Variants in TAFA4 observed in about 807,000 individuals in gnomAD.
The protein encoded by TAFA4 is chemokine-like protein TAFA-4.
In TAFA4, 20 loss-of-function variants were observed where a neutral mutation model predicts 21.1. That is an observed-to-expected ratio of 0.95 (90% CI 0.67 to 1.38). The LOEUF is 1.38. Among genes scored for constraint, TAFA4 ranks in the 40% most tolerant of loss-of-function variants. The pLI, the probability that TAFA4 is intolerant of heterozygous loss-of-function variation, is 0.00. For synonymous variants in TAFA4, 71 were observed against 67.4 expected (o/e 1.05, Z -0.26); for missense variants, 211 against 180.9 (o/e 1.17, Z -0.95).
chr3:68,866,983 GA>G (rs1444597471), intron 3 of TAFA4, among the ~76,000 whole-genome samples: 1 of 152,044 alleles, frequency 6.6e-6, no homozygotes, highest in Non-Finnish European at 1.5e-5. Flanking sequence ...ACGGAATTGA[GA>G]AAGAGCAAGG....
At chr3:68,757,073 C>G (rs1284584550) in intron 3 of TAFA4, among the ~76,000 whole-genome samples, 1 of 152,144 alleles carries the variant, frequency 6.6e-6, no homozygotes, top group Non-Finnish European at 1.5e-5. Flanking sequence ...GTCATTGTCT[C>G]AGTCTGCTTG....
chr3:68,759,809 A>C (rs1427027642), intron 3 of TAFA4, among the ~76,000 whole-genome samples: 2 of 152,124 alleles, frequency 1.3e-5, no homozygotes, highest in Non-Finnish European at 2.9e-5. Context: ...CAAAAAACAA[A>C]ACACTGTCCC....
intron 3 of TAFA4, among the ~76,000 whole-genome samples, chr3:68,837,460 C>A (rs1575633518): frequency 6.6e-6 from 1 of 152,206 alleles, no homozygotes; most frequent in African/African-American, 2.4e-5. Context: ...TCCTTCCACT[C>A]CAGCCAATAG....
intron 5 of TAFA4, among the ~76,000 whole-genome samples, chr3:68,738,162 G>A (rs906465446): frequency 1.3e-5 from 2 of 152,156 alleles, no homozygotes; most frequent in South Asian, 2.1e-4. Flanking sequence ...ATGATGATTA[G>A]CCAGAAAAGA....
intron 3 of TAFA4, among the ~76,000 whole-genome samples, chr3:68,832,413 T>C (rs997358143): frequency 3.9e-5 from 6 of 152,186 alleles, no homozygotes; most frequent in African/African-American, 1.4e-4. Flanking sequence ...TTTCTGTTTG[T>C]TAGTTTTCCT....
At chr3:68,816,897 C>T (rs746526750) in intron 3 of TAFA4, among the ~76,000 whole-genome samples, 1 of 152,060 alleles carries the variant, frequency 6.6e-6, no homozygotes, top group Non-Finnish European at 1.5e-5. Flanking sequence ...TAATTTGAGC[C>T]TTCAATATGT....
chr3:68,873,527 A>G (rs147744271), intron 3 of TAFA4, among the ~76,000 whole-genome samples: 129 of 152,250 alleles, frequency 8.5e-4, no homozygotes, highest in African/African-American at 2.9e-3. Context: ...GGATATGTTT[A>G]GCCGGCAACA....
At chr3:68,828,794 T>C (rs529545632) in intron 3 of TAFA4, among the ~76,000 whole-genome samples, 14 of 152,308 alleles carry the variant, frequency 9.2e-5, no homozygotes, top group African/African-American at 3.4e-4. Flanking sequence ...CGATGGGGTT[T>C]TCTAAATATA....
At chr3:68,884,940 T>C (rs779871950) in intron 2 of TAFA4, among the ~76,000 whole-genome samples, 1 of 152,244 alleles carries the variant, frequency 6.6e-6, no homozygotes, top group Non-Finnish European at 1.5e-5. Context: ...GCAATAGATT[T>C]GTATTTCTTC....
intron 1 of TAFA4, among the ~76,000 whole-genome samples, chr3:68,923,366 G>C (rs1439612775): frequency 6.6e-6 from 1 of 151,944 alleles, no homozygotes; most frequent in African/African-American, 2.4e-5. Flanking sequence ...GCTGTGTTTT[G>C]GGTGGGAAGG....
chr3:68,858,089 T>A (rs1705111054), intron 3 of TAFA4, among the ~76,000 whole-genome samples: 1 of 152,138 alleles, frequency 6.6e-6, no homozygotes, highest in Admixed American at 6.5e-5. Context: ...GCAATCAGTA[T>A]GGCAGTGTCG....
intron 3 of TAFA4, among the ~76,000 whole-genome samples, chr3:68,828,363 C>G (rs958091109): frequency 4.6e-5 from 7 of 152,096 alleles, no homozygotes; most frequent in Non-Finnish European, 8.8e-5. Context: ...TATACAGGGT[C>G]TTTTTTGGTT....
rs75893427 is a variant in TAFA4, at chr3:68,853,611, T to C, written c.130+27119A>G. ...AATACAGTTAGCACCCTTCTACATT[T>C]TCCTCCAGTGTCTTACCATCTGTTT... On this transcript the variant is annotated intron_variant, in intron 3 of 5. Coordinates refer to ENST00000295569, the MANE Select transcript of TAFA4 (RefSeq NM_182522.5). Among the ~76,000 whole-genome samples the C allele has an allele frequency of 6.4e-3, 976 of 152,300 alleles. 9 individuals carry two copies. The highest frequency in any genetic ancestry group is 0.023 in the African/African-American group (945 of 41,570).
chr3:68,928,874 T>C (rs2090133892), intron 1 of TAFA4, among the ~76,000 whole-genome samples: 1 of 151,968 alleles, frequency 6.6e-6, no homozygotes, highest in Admixed American at 6.6e-5. Context: ...AGATCCAAGG[T>C]AGGACAACAC....
intron 4 of TAFA4, 36 bp from the exon 5 acceptor site, chr3:68,739,235 GT>G (rs757524360): frequency 1.7e-5 from 27 of 1,611,124 alleles, no homozygotes; most frequent in Non-Finnish European, 2.2e-5. Flanking sequence ...TTGTGACACT[GT>G]TTCTTCCTCC....
At chr3:68,752,787 G>T in intron 4 of TAFA4, 76 bp downstream of exon 4, 1 of 1,588,888 alleles carries the variant, frequency 6.3e-7, no homozygotes, top group Non-Finnish European at 8.6e-7. Flanking sequence ...GGGTTGCAAA[G>T]ACAGTAAAGT....
intron 1 of TAFA4, among the ~76,000 whole-genome samples, chr3:68,896,681 T>C (rs562289350): frequency 1.3e-5 from 2 of 152,230 alleles, no homozygotes; most frequent in African/African-American, 4.8e-5. Flanking sequence ...TGACGAGAAG[T>C]ACAAGAGAAT....
chr3:68,760,991 A>C (rs1473329422), intron 3 of TAFA4, among the ~76,000 whole-genome samples: 1 of 152,188 alleles, frequency 6.6e-6, no homozygotes, highest in Non-Finnish European at 1.5e-5. Context: ...AGAGATGCCA[A>C]ATGGAATTAT....
intron 3 of TAFA4, among the ~76,000 whole-genome samples, chr3:68,836,212 A>T (rs1434610397): frequency 1.3e-5 from 2 of 152,216 alleles, no homozygotes; most frequent in East Asian, 3.8e-4. Context: ...TCCCCATCAC[A>T]AGGAGATGGG....
Sources: allele counts gnomAD v4.1 joint callset (sites outside exome capture counted in the v4.1 genomes callset), GRCh38; gene constraint gnomAD v4.1.1; transcripts MANE v1.5; gene names NCBI Gene and HGNC (gene_info 2026-07-23, HGNC 2026-07-21).